Variants in CADPS2 observed in about 807,000 individuals in gnomAD.
CADPS2 encodes calcium-dependent secretion activator 2.
CADPS2 carries 93 observed loss-of-function variants against 172.5 expected under a neutral mutation model. The observed-to-expected ratio is 0.54, with a 90% CI of 0.46 to 0.64. CADPS2 has a LOEUF of 0.64. CADPS2 is among the 30% of genes least tolerant of loss of function. The pLI is 0.00. For missense variants in CADPS2, 1,420 were observed against 1,565.9 expected (o/e 0.91, Z 1.57); for synonymous variants, 546 against 555.2 (o/e 0.98, Z 0.23).
chr7:122,759,420 T>C (rs144869009), intron 1 of CADPS2, among the ~76,000 whole-genome samples: 1 of 152,276 alleles, frequency 6.6e-6, no homozygotes, highest in African/African-American at 2.4e-5. Flanking sequence ...TTGAATAAAG[T>C]TATGTTTCTT....
Position 122,723,020 on chromosome 7 carries a change from A to C in CADPS2, c.453+13935T>G, listed in dbSNP as rs972074495. On this transcript the variant is annotated intron_variant, in intron 2 of 29. Transcript: ENST00000449022. Reference sequence around the variant, plus strand: ...GGATCCCTTCCTTACACCTTATACAAAAATTAATTCAAGATGGATTAAAGA... The same window carrying C: ...GGATCCCTTCCTTACACCTTATACACAAATTAATTCAAGATGGATTAAAGA... Among the ~76,000 whole-genome samples the C allele has an allele frequency of 2.6e-5, 4 of 152,116 alleles. No homozygotes were observed. The East Asian group carries it at 5.8e-4, about 22-fold the overall frequency.
chr7:122,729,302 T>C (rs2091418035), intron 2 of CADPS2, among the ~76,000 whole-genome samples: 1 of 151,896 alleles, frequency 6.6e-6, no homozygotes, highest in Non-Finnish European at 1.5e-5. Context: ...ACATCTTTGC[T>C]ATTGGGAATA....
intron 28 of CADPS2, among the ~76,000 whole-genome samples, chr7:122,332,505 C>A (rs6967924): frequency 0.15 from 22,905 of 150,950 alleles, 1,758 homozygotes; most frequent in African/African-American, 0.16. Context: ...CTCCATCAGG[C>A]AGTTTGTAAA....
At position 122,576,489 on chromosome 7, in the gene CADPS2, G is replaced by A. The variant is rs2068054441; in HGVS notation, c.1335+4690C>T. 1.3e-5 allele frequency among the ~76,000 whole-genome samples: 2 copies of A among 152,132 alleles called. 1 individual carries two copies. The highest frequency in any genetic ancestry group is 1.3e-4 in the Admixed American group (2 of 15,266). On this transcript the variant is annotated intron_variant, in intron 7 of 29. Coordinates refer to ENST00000449022, the MANE Select transcript of CADPS2 (RefSeq NM_017954.11). ...TGTTGGCACCCTTTTGATGCTGCTG[G>A]TTGATGTGTTCATTAGGGAAGTGTG...
intron 14 of CADPS2, among the ~76,000 whole-genome samples, chr7:122,459,904 T>C (rs1193353376): frequency 6.6e-6 from 1 of 152,152 alleles, no homozygotes; most frequent in Non-Finnish European, 1.5e-5. Flanking sequence ...ACAATAAGTA[T>C]ACAATTACAT....
chr7:122,365,574 T>C (rs2040743353), intron 25 of CADPS2, among the ~76,000 whole-genome samples: 1 of 152,216 alleles, frequency 6.6e-6, no homozygotes, highest in Non-Finnish European at 1.5e-5. Flanking sequence ...TCCTGTGAAC[T>C]TTCTCTGTAC....
At chr7:122,652,234 ACT>A (rs148185064) in intron 3 of CADPS2, among the ~76,000 whole-genome samples, 33 of 149,006 alleles carry the variant, frequency 2.2e-4, no homozygotes, top group Non-Finnish European at 1.3e-4. Flanking sequence ...CCTAGTGAAA[ACT>A]CTCTCTCTCT....
chr7:122,506,303 C>G (rs2059603100), intron 9 of CADPS2, among the ~76,000 whole-genome samples: 1 of 152,112 alleles, frequency 6.6e-6, no homozygotes, highest in Non-Finnish European at 1.5e-5. Context: ...GAGAAACATT[C>G]AATATCTTTT....
At chr7:122,718,214 T>TACAATTCAACCATTAC (rs2136980126) in intron 2 of CADPS2, among the ~76,000 whole-genome samples, 1 of 152,138 alleles carries the variant, frequency 6.6e-6, no homozygotes, top group African/African-American at 2.4e-5. Flanking sequence ...ATTGCCATTA[T>TACAATTCAACCATTAC]ACAATTCAAC....
chr7:122,653,688 T>A (rs2079427678), intron 3 of CADPS2, among the ~76,000 whole-genome samples: 1 of 152,218 alleles, frequency 6.6e-6, no homozygotes, highest in African/African-American at 2.4e-5. Flanking sequence ...TGCTCACTTC[T>A]GTGTCTCATT....
At chr7:122,450,679 C>T (rs1002913691) in intron 15 of CADPS2, among the ~76,000 whole-genome samples, 2 of 151,748 alleles carry the variant, frequency 1.3e-5, no homozygotes, top group African/African-American at 4.8e-5. Context: ...TACAGACATG[C>T]ACCACCATGT....
intron 9 of CADPS2, among the ~76,000 whole-genome samples, chr7:122,501,898 A>AAG (rs2059237128): frequency 6.8e-6 from 1 of 147,566 alleles, no homozygotes; most frequent in Non-Finnish European, 1.5e-5. Context: ...AAAAAAAAAA[A>AAG]GGAAAAAAAA....
At chr7:122,533,029 C>G (rs2061916663) in intron 8 of CADPS2, among the ~76,000 whole-genome samples, 1 of 152,048 alleles carries the variant, frequency 6.6e-6, no homozygotes, top group Admixed American at 6.6e-5. Context: ...TCCGCACCCC[C>G]ACCCCCATTT....
At chr7:122,762,883 C>G (rs1236970712) in intron 1 of CADPS2, among the ~76,000 whole-genome samples, 5 of 151,874 alleles carry the variant, frequency 3.3e-5, no homozygotes, top group Admixed American at 2.0e-4. Context: ...TATGTTCCAC[C>G]CAAACAATGA....
chr7:122,434,510 TCTC>T (rs2151918535), intron 17 of CADPS2, among the ~76,000 whole-genome samples: 1 of 152,264 alleles, frequency 6.6e-6, no homozygotes, highest in South Asian at 2.1e-4. Flanking sequence ...AACTAACTAA[TCTC>T]CTACCTCTCT....
chr7:122,618,775 C>T lies in CADPS2; in HGVS notation c.1104+2706G>A, dbSNP rs139780316. Among the ~76,000 whole-genome samples, 303 of 152,286 alleles carry T rather than the reference C, an allele frequency of 2.0e-3. 1 individual carries two copies. The highest frequency in any genetic ancestry group is 0.014 in the Middle Eastern group (4 of 294). On this transcript the variant is annotated intron_variant, in intron 5 of 29. Coordinates refer to ENST00000449022, the MANE Select transcript of CADPS2 (RefSeq NM_017954.11). Reference sequence around the variant, plus strand: ...ATTCAGTTTAGCTTGGCTGATGTCACAGGTCCTGTGACTAGAGGCATATCT... The same window carrying T: ...ATTCAGTTTAGCTTGGCTGATGTCATAGGTCCTGTGACTAGAGGCATATCT...
chr7:122,636,787 GT>G (rs2077108425), intron 3 of CADPS2, among the ~76,000 whole-genome samples: 1 of 151,934 alleles, frequency 6.6e-6, no homozygotes, highest in Non-Finnish European at 1.5e-5. Context: ...AGATTTTTTT[GT>G]TGTTGTTGAA....
chr7:122,795,277 T>C lies in CADPS2; in HGVS notation c.340-58209A>G, dbSNP rs187082120. Among the ~76,000 whole-genome samples the C allele has an allele frequency of 2.8e-3, 421 of 152,176 alleles. 1 individual carries two copies. Among genetic ancestry groups the C allele is most frequent in the Non-Finnish European group, 4.7e-3 (319 of 67,998 alleles). ...AAAATCAGAAACAACAAGGGGGATA[T>C]TACCACTGACCCCATAGAAATACAA... is the stretch of plus-strand genomic sequence containing the variant. On this transcript the variant is annotated intron_variant, in intron 1 of 29. Coordinates refer to ENST00000449022, the MANE Select transcript of CADPS2 (RefSeq NM_017954.11).
In CADPS2 at chr7:122,559,561, G is replaced by A. The variant is rs781417482; in HGVS notation, c.1336-4872C>T. 7.9e-5 allele frequency among the ~76,000 whole-genome samples: 12 copies of A among 152,124 alleles called. No individual in the cohort carries two copies. The Middle Eastern group carries it at 0.014, about 172-fold the overall frequency. Reference sequence around the variant, plus strand: ...CCGAGGCAGGTGGATCACGAGGCCAGGAGTTTGAGACCAGCCTGACCAACA... The same window carrying A: ...CCGAGGCAGGTGGATCACGAGGCCAAGAGTTTGAGACCAGCCTGACCAACA... On this transcript the variant is annotated intron_variant, in intron 7 of 29. Transcript: ENST00000449022.
Sources: allele counts gnomAD v4.1 joint callset (sites outside exome capture counted in the v4.1 genomes callset), GRCh38; gene constraint gnomAD v4.1.1; transcripts MANE v1.5; gene names NCBI Gene and HGNC (gene_info 2026-07-23, HGNC 2026-07-21).